CARS2: variants seen among roughly 807,000 people sequenced by gnomAD.
CARS2 encodes probable cysteine--tRNA ligase, mitochondrial.
In CARS2, 52 loss-of-function variants were observed where a neutral mutation model predicts 68.8. The ratio of observed to expected loss-of-function variants is 0.76; its 90% CI spans 0.61 to 0.95. The LOEUF is 0.95. CARS2 is among the 40% of genes least tolerant of loss of function. The probability of loss-of-function intolerance (pLI) is 0.00; values close to 1 mark genes in which losing one functional copy is unlikely to be tolerated. For missense variants in CARS2, 780 were observed against 754.2 expected, an observed-to-expected ratio of 1.03 and a Z score of -0.40; for synonymous variants, 314 against 303.6, an observed-to-expected ratio of 1.03 and a Z score of -0.36.
At position 110,685,935 on chromosome 13, in the gene CARS2, C is replaced by T. The variant is rs575230042; in HGVS notation, c.571+1786G>A. 8.5e-5 allele frequency among the ~76,000 whole-genome samples: 12 copies of T among 141,174 alleles called. No homozygotes were observed. In the East Asian group the frequency reaches 2.5e-3, roughly 30 times the overall value. 92.6% of individuals were successfully genotyped at this position (141,174 alleles called of 152,430 possible). A position where few individuals can be genotyped will look rare whatever the true frequency, so the allele number is the denominator to read the frequency against. The stretch of plus-strand genomic sequence containing the variant: ...ATGCAAATCTAAACACAGACTGCTC[C>T]ACAGGAAAACTGACCTGTCAGAGTC... On this transcript the variant is annotated intron_variant, in intron 5 of 14. Transcript: ENST00000257347.
At chr13:110,712,799 G>C (rs956428168) in intron 1 of CARS2, 2 of 756,948 alleles carry the variant, frequency 2.6e-6, no homozygotes, top group Non-Finnish European at 4.6e-6. Context: ...GGCGCCCCTC[G>C]GGCCTATCCA....
intron 9 of CARS2, among the ~76,000 whole-genome samples, chr13:110,652,986 C>T (rs2062259938): frequency 6.6e-6 from 1 of 152,214 alleles, no homozygotes; most frequent in Admixed American, 6.5e-5. Context: ...TCACACACCA[C>T]AACTCACACG....
intron 1 of CARS2, chr13:110,713,000 G>A (rs1351557429): frequency 6.5e-7 from 1 of 1,544,484 alleles, no homozygotes; most frequent in Non-Finnish European, 8.7e-7. Flanking sequence ...CGCACTCTGC[G>A]GCCGCAGCTC....
At chr13:110,691,757 C>T (rs1273127844) in intron 3 of CARS2, among the ~76,000 whole-genome samples, 1 of 151,874 alleles carries the variant, frequency 6.6e-6, no homozygotes, top group Non-Finnish European at 1.5e-5. Flanking sequence ...TTTATGCGTG[C>T]TTTGTACAGG....
rs2062769529 is a variant in CARS2 at position 110,670,392 on chromosome 13, T to C, written c.786-2919A>G. 6.6e-6 allele frequency among the ~76,000 whole-genome samples: 1 copy of C among 152,158 alleles called. No individual in the cohort carries two copies. The highest frequency in any genetic ancestry group is 1.5e-5 in the Non-Finnish European group (1 of 68,024). On this transcript the variant is annotated intron_variant, in intron 7 of 14. Coordinates refer to ENST00000257347, the MANE Select transcript of CARS2 (RefSeq NM_024537.4). This position sits in a 1 kb window ranked among gnomAD's most constrained non-coding sequence, Gnocchi z 4.1. ...AAGGATCATGCAGCAACATTTGCCG[T>C]TCTGCAATATTTGCTGTTCTGCAGC... is the stretch of plus-strand genomic sequence containing the variant.
intron 3 of CARS2, among the ~76,000 whole-genome samples, chr13:110,692,262 G>A (rs1016592200): frequency 2.0e-5 from 3 of 151,718 alleles, no homozygotes; most frequent in East Asian, 3.9e-4. Flanking sequence ...CTGAGGCCGG[G>A]AGTTCAAGAC....
upstream of CARS2, among the ~76,000 whole-genome samples, chr13:110,710,563 A>G (rs543936982): frequency 3.9e-5 from 6 of 152,376 alleles, no homozygotes; most frequent in East Asian, 1.2e-3. Context: ...AACACGCCAC[A>G]GGAAACAAAA....
At chr13:110,687,308 T>C (rs2139856826) in intron 5 of CARS2, among the ~76,000 whole-genome samples, 1 of 152,282 alleles carries the variant, frequency 6.6e-6, no homozygotes, top group East Asian at 1.9e-4. Context: ...CAGAAGTAAA[T>C]TTTAGTATGT....
chr13:110,692,227 T>C (rs1386768364), intron 3 of CARS2, among the ~76,000 whole-genome samples: 1 of 151,764 alleles, frequency 6.6e-6, no homozygotes, highest in Non-Finnish European at 1.5e-5. Context: ...CCCAGCACTT[T>C]GGGAGGCTGA....
At chr13:110,687,418 C>A (rs1412935671) in intron 5 of CARS2, among the ~76,000 whole-genome samples, 1 of 152,118 alleles carries the variant, frequency 6.6e-6, no homozygotes, top group Admixed American at 6.5e-5. Context: ...GCCTGTAATC[C>A]CAGCACTTTG....
At chr13:110,649,157 C>T (rs1235377008) in intron 10 of CARS2, 2 of 152,274 alleles carry the variant, frequency 1.3e-5, no homozygotes, top group African/African-American at 4.8e-5. Context: ...GCACACCACA[C>T]ACAGATGCTG....
rs751237567 is a variant in CARS2 at position 110,687,757 on chromosome 13, T to G, written c.535A>C (p.Ile179Leu). ...GAATAAGCGTTCCCACGAGCAATGATTCCTTCAATGAAAGAAATTATCTGA... is the reference window on the plus strand; with the variant it reads ...GAATAAGCGTTCCCACGAGCAATGAGTCCTTCAATGAAAGAAATTATCTGA... Reference protein sequence around the residue: ...IPQIISFIEGIIARGNAYSTA... With the variant: ...IPQIISFIEGLIARGNAYSTA... Residue 179 changes from isoleucine (I) to leucine (L), a missense_variant, in exon 5 of 15, where the codon ATC becomes CTC. Transcript: ENST00000257347. 3.7e-6 allele frequency: 6 copies of G among 1,612,970 alleles called. No homozygotes were observed. Among genetic ancestry groups the G allele is most frequent in the Middle Eastern group, 1.7e-4 (1 of 6,006 alleles).
Position 110,651,091 on chromosome 13 carries a change from T to C in CARS2, c.997A>G (p.Lys333Glu), listed in dbSNP as rs2062198993. ...CGGAAGACATCGGGGGAAAAGGTCTTCAGAAAGTCCTGGTAAAGCGAGAGA... is the reference window on the plus strand; with the variant it reads ...CGGAAGACATCGGGGGAAAAGGTCTCCAGAAAGTCCTGGTAAAGCGAGAGA... Reference protein sequence around the residue: ...KNYITIKDFLKTFSPDVFRFF... With the variant: ...KNYITIKDFLETFSPDVFRFF... The change falls in exon 10 of 15, where the codon AAG becomes GAG. Residue 333 changes from lysine to glutamate, a missense_variant. Transcript: ENST00000257347. 10 of 1,613,320 alleles carry C rather than the reference T, an allele frequency of 6.2e-6. No individual in the cohort carries two copies. Among genetic ancestry groups the C allele is most frequent in the Non-Finnish European group, 8.5e-6 (10 of 1,179,714 alleles).
In CARS2 at chr13:110,705,612, C is replaced by T. The variant is rs575585160; in HGVS notation, c.225-41G>A. The T allele has an allele frequency of 3.9e-5, 61 of 1,565,994 alleles. No homozygotes were observed. The African/African-American group carries it at 6.9e-4, about 18-fold the overall frequency. ...AAATCCATCGTGTGGAACATATTTG[C>T]AAGAAAGGACATTCGATTCTGAGTT... On this transcript the variant is annotated intron_variant, in intron 1 of 14. Transcript: ENST00000257347. The surrounding 1 kb of genome is among the most constrained non-coding windows in gnomAD (Gnocchi z 4.0).
upstream of CARS2, chr13:110,707,192 C>T (rs1385311362): frequency 2.0e-5 from 3 of 150,964 alleles, no homozygotes; most frequent in Non-Finnish European, 2.9e-5. Flanking sequence ...AGTGTGCGCC[C>T]CCACACATCT....
intron 7 of CARS2, among the ~76,000 whole-genome samples, chr13:110,669,739 T>C (rs2062749952): frequency 6.6e-6 from 1 of 151,792 alleles, no homozygotes; most frequent in Non-Finnish European, 1.5e-5. Context: ...GCTCACGGAG[T>C]GTGAGCCGAA....
intron 3 of CARS2, among the ~76,000 whole-genome samples, chr13:110,700,048 C>T (rs2063738135): frequency 6.6e-6 from 1 of 152,252 alleles, no homozygotes; most frequent in African/African-American, 2.4e-5. Flanking sequence ...CCAGAGATAG[C>T]TGAAGTCAGA....
intron 6 of CARS2, 59 bp from the exon 7 acceptor site, chr13:110,677,162 T>C (rs1306391936): frequency 2.0e-6 from 3 of 1,511,276 alleles, no homozygotes; most frequent in African/African-American, 2.8e-5. Flanking sequence ...CCACGGATGC[T>C]CAGACATTCA....
upstream of CARS2, chr13:110,706,522 A>T (rs1234864341): frequency 6.5e-6 from 1 of 154,482 alleles, no homozygotes; most frequent in African/African-American, 2.4e-5. Flanking sequence ...GCACGTGTGC[A>T]TCCCAGCACA....
Sources: gnomAD v4.1 joint callset for allele counts (sites outside exome capture counted in the v4.1 genomes callset) on GRCh38, gnomAD v4.1.1 for gene constraint, Gnocchi (gnomAD v3.1) non-coding constraint, MANE v1.5 for transcripts, NCBI Gene and HGNC (gene_info 2026-07-23, HGNC 2026-07-21) for gene names.